PRRT4: variants seen among roughly 807,000 people sequenced by gnomAD.
PRRT4 encodes proline-rich transmembrane protein 4.
In PRRT4, 59 loss-of-function variants were observed where a neutral mutation model predicts 55.6. The observed-to-expected ratio is 1.06, with a 90% confidence interval of 0.86 to 1.32. The LOEUF (loss-of-function observed/expected upper bound fraction) is 1.32, where lower values mean the gene tolerates loss of function less well. PRRT4 is among the 40% of genes most tolerant of loss of function. The probability of loss-of-function intolerance (pLI) is 0.00; values close to 1 mark genes in which losing one functional copy is unlikely to be tolerated. For missense variants in PRRT4, 1,217 were observed against 1,222.0 expected (o/e 1.00, Z 0.06); for synonymous variants, 606 against 601.8 (o/e 1.01, Z -0.10).
intron 4 of PRRT4, among the ~76,000 whole-genome samples, chr7:128,354,820 C>T (rs539696060): frequency 6.6e-6 from 1 of 152,294 alleles, no homozygotes; most frequent in Admixed American, 6.5e-5. Flanking sequence ...CGCCCTGGTT[C>T]CCATTCCATC....
chr7:128,351,345 G>C, exon 5 of PRRT4: 1 of 1,547,078 alleles, frequency 6.5e-7, no homozygotes, highest in Non-Finnish European at 8.7e-7. Flanking sequence ...GGGCCTCGCT[G>C]CAGAGGGCCT....
chr7:128,357,228 ACACACACACT>A (rs1188686883), intron 4 of PRRT4, among the ~76,000 whole-genome samples: 1 of 121,856 alleles, frequency 8.2e-6, no homozygotes, highest in Admixed American at 8.1e-5. Flanking sequence ...ACACACACAC[ACACACACACT>A]CTCTCTCTCT....
chr7:128,351,967 AG>A lies in PRRT4; in HGVS notation c.1588del (p.Leu530TrpfsTer41), dbSNP rs947893321. The A allele has an allele frequency of 2.3e-6, 3 of 1,301,356 alleles. No individual in the cohort carries two copies. The African/African-American group carries it at 4.6e-5, about 20-fold the overall frequency. 80.6% of individuals were successfully genotyped at this position (1,301,356 alleles called of 1,614,324 possible). On this transcript the variant is annotated frameshift_variant, in exon 5 of 5. Coordinates refer to ENST00000535159, the Ensembl canonical transcript of PRRT4. LOFTEE classifies it high-confidence loss of function. ...GGCGCCCTTGAAGCCCGACCCTCCC[AG>A]GGGCGCCCCGGCCCGCCGCCGCCGC...
At chr7:128,354,969 C>T (rs1797083671) in intron 4 of PRRT4, among the ~76,000 whole-genome samples, 1 of 152,196 alleles carries the variant, frequency 6.6e-6, no homozygotes, top group Non-Finnish European at 1.5e-5. Flanking sequence ...TCATGATCAT[C>T]AGCTAATGTT....
chr7:128,351,380 T>C (rs1796961577), exon 5 of PRRT4: 7 of 1,544,590 alleles, frequency 4.5e-6, no homozygotes, highest in Non-Finnish European at 6.1e-6. Flanking sequence ...CGCAGGTTGA[T>C]TGGGGAGGGC....
chr7:128,351,015 C>T (rs1796946154), exon 5 of PRRT4: 1 of 1,550,030 alleles, frequency 6.5e-7, no homozygotes, highest in Admixed American at 2.0e-5. Context: ...ATCCTGAGGC[C>T]GGGAGGCTGG....
At position 128,351,998 on chromosome 7, in the gene PRRT4, C is replaced by T. The variant is rs890814810; in HGVS notation, c.1558G>A (p.Gly520Ser). Residue 520 changes from glycine to serine, a missense_variant, in exon 5 of 5, where the codon GGC becomes AGC. By Grantham distance (56) the Gly-to-Ser change is moderately conservative. Around this residue, in one of 3 missense-constraint regions of PRRT4, gnomAD observed 642 missense variants for 600.9 expected, o/e 1.07. Transcript: ENST00000535159. ...GCCCCGGCCCGCCGCCGCCGCCCGC[C>T]CCAGCAGGAGAGCGCCAGCAGCAGC... 12 of 1,314,366 alleles carry T rather than the reference C, an allele frequency of 9.1e-6. No homozygotes were observed. The East Asian group carries it at 4.0e-4, about 44-fold the overall frequency. 81.4% of individuals were successfully genotyped at this position (1,314,366 alleles called of 1,614,324 possible).
At position 128,360,078 on chromosome 7, in the gene PRRT4, G is replaced by T; in HGVS notation, c.-72-15C>A. ...GGAGGAAGGTCCTGGAGAGAGGAGAGGCCCTGTGAGCCCTGGCTGTGGCCC... is the reference window on the plus strand; with the variant it reads ...GGAGGAAGGTCCTGGAGAGAGGAGATGCCCTGTGAGCCCTGGCTGTGGCCC... On this transcript the variant is annotated splice_polypyrimidine_tract_variant and intron_variant, in intron 1 of 4. Transcript: ENST00000535159. 1 of 1,110,958 alleles carries T rather than the reference G, an allele frequency of 9.0e-7. No homozygotes were observed. Among genetic ancestry groups the T allele is most frequent in the Non-Finnish European group, 1.2e-6 (1 of 866,154 alleles). 68.8% of individuals were successfully genotyped at this position (1,110,958 alleles called of 1,614,324 possible).
intron 1 of PRRT4, among the ~76,000 whole-genome samples, chr7:128,360,275 C>T (rs1797216964): frequency 1.3e-5 from 2 of 152,326 alleles, no homozygotes; most frequent in East Asian, 3.9e-4. Context: ...GTTCCTCCTT[C>T]CCCCTCTGCT....
exon 5 of PRRT4, chr7:128,351,210 G>T: frequency 6.5e-7 from 1 of 1,540,688 alleles, no homozygotes; most frequent in Non-Finnish European, 8.7e-7. Flanking sequence ...GCGCAGCGGG[G>T]CCAGAGGCCT....
In PRRT4 at chr7:128,359,567, G is replaced by A. The variant is rs761380050; in HGVS notation, c.425C>T (p.Pro142Leu). The A allele has an allele frequency of 1.1e-4, 160 of 1,495,856 alleles. No homozygotes were observed. The highest frequency in any genetic ancestry group is 1.3e-4 in the Non-Finnish European group (148 of 1,121,260). The allele number at this position is 1,495,856 out of a possible 1,614,324, so 92.7% of individuals were successfully genotyped here. ...CCTCCTGGGCTGATAGGGGGCAGTG[G>A]GCCCATCGCTGGGCCCAGAGCGCCG... Residue 142 changes from proline (P) to leucine (L), a missense_variant, in exon 2 of 5, where the codon CCC (proline) becomes CTC (leucine). Coordinates refer to ENST00000535159, the Ensembl canonical transcript of PRRT4.
At chr7:128,354,568 AAAACAC>A (rs1427901752) in intron 4 of PRRT4, among the ~76,000 whole-genome samples, 1,270 of 121,330 alleles carry the variant, frequency 0.01, 13 homozygotes, top group African/African-American at 0.032. Flanking sequence ...TGGCTCAAAA[AAAACAC>A]ACACACACAC....
exon 5 of PRRT4, chr7:128,351,101 A>G (rs1398208100): frequency 6.5e-7 from 1 of 1,548,756 alleles, no homozygotes; most frequent in South Asian, 1.2e-5. Flanking sequence ...GGGCTGGAAC[A>G]CAGCAGCATG....
exon 5 of PRRT4, chr7:128,350,925 C>T: frequency 6.4e-7 from 1 of 1,550,928 alleles, no homozygotes; most frequent in Middle Eastern, 1.7e-4. Flanking sequence ...GGAACTGCTC[C>T]TGCAGCAAGG....
rs1797166683 is a variant in PRRT4 at position 128,358,689 on chromosome 7, G to A, written c.869C>T (p.Thr290Ile). The change falls in exon 4 of 5, where the codon ACA (threonine) becomes ATA (isoleucine). Residue 290 changes from threonine to isoleucine, a missense_variant. Transcript: ENST00000535159. This position sits in a 1 kb window ranked among gnomAD's most constrained non-coding sequence, Gnocchi z 4.4. ...ATGAATTGGATACTTACCTAATGATGTTGTTGCAATCGAGGCAAAACTTAG... is the reference window on the plus strand; with the variant it reads ...ATGAATTGGATACTTACCTAATGATATTGTTGCAATCGAGGCAAAACTTAG... 2 of 1,551,666 alleles carry A rather than the reference G, an allele frequency of 1.3e-6. No individual in the cohort carries two copies. The highest frequency in any genetic ancestry group is 1.7e-6 in the Non-Finnish European group (2 of 1,146,942).
intron 4 of PRRT4, among the ~76,000 whole-genome samples, chr7:128,357,593 C>T (rs1218606796): frequency 2.6e-5 from 4 of 152,212 alleles, no homozygotes; most frequent in African/African-American, 9.6e-5. Flanking sequence ...CCCTCACCCA[C>T]CATCCAAGGG....
rs749187646 is a variant in PRRT4, at chr7:128,352,330, G to A, written c.1226C>T (p.Ala409Val). The change falls in exon 5 of 5, where the codon GCC becomes GTC. Residue 409 changes from alanine to valine, a missense_variant. Coordinates refer to ENST00000535159, the Ensembl canonical transcript of PRRT4. ...GAGCGGGAAGGCCCGCGTGGTCCCGGCCGACAGCAGCAGCAGGTCCAGCAG... is the reference window on the plus strand; with the variant it reads ...GAGCGGGAAGGCCCGCGTGGTCCCGACCGACAGCAGCAGCAGGTCCAGCAG... 2.4e-5 allele frequency: 37 copies of A among 1,541,366 alleles called. 1 individual carries two copies. The South Asian group carries it at 4.3e-4, about 18-fold the overall frequency.
chr7:128,360,668 C>T (rs1416401296), intron 1 of PRRT4, among the ~76,000 whole-genome samples: 1 of 152,142 alleles, frequency 6.6e-6, no homozygotes, highest in Non-Finnish European at 1.5e-5. Context: ...CCCTCCCTCC[C>T]GCCCCTCCCG....
At chr7:128,350,799 C>G, downstream of PRRT4, 2 of 1,536,080 alleles carry the variant, frequency 1.3e-6, no homozygotes, top group Non-Finnish European at 1.8e-6. Context: ...GTGCAGGTCT[C>G]GGGCAGGGCA....
Sources: gnomAD v4.1 joint callset for allele counts (sites outside exome capture counted in the v4.1 genomes callset) on GRCh38, gnomAD v4.1.1 for gene constraint, gnomAD v4.1.1 regional missense constraint, Gnocchi (gnomAD v3.1) non-coding constraint, MANE v1.5 for transcripts, NCBI Gene and HGNC (gene_info 2026-07-23, HGNC 2026-07-21) for gene names.